Variants in PLIN5 observed in about 807,000 individuals in gnomAD.
PLIN5 encodes perilipin-5.
PLIN5 carries 34 observed loss-of-function variants against 32.8 expected under a neutral mutation model. The observed-to-expected ratio is 1.04, with a 90% CI of 0.79 to 1.38. PLIN5 has a LOEUF of 1.38. Ranked by LOEUF, PLIN5 falls within the 40% of genes most tolerant of loss-of-function variation. The probability of loss-of-function intolerance (pLI) is 0.00; values close to 1 mark genes in which losing one functional copy is unlikely to be tolerated. For missense variants in PLIN5, 712 were observed against 660.5 expected, an observed-to-expected ratio of 1.08 and a Z score of -0.85; for synonymous variants, 309 against 292.9, an observed-to-expected ratio of 1.05 and a Z score of -0.56.
intron 3 of PLIN5, among the ~76,000 whole-genome samples, chr19:4,530,605 C>T (rs76429445): frequency 0.067 from 10,163 of 152,164 alleles, 382 homozygotes; most frequent in Middle Eastern, 0.088. Context: ...CACAGGGAGA[C>T]AGATGGATAG....
intron 2 of PLIN5, chr19:4,533,802 G>T: frequency 1.7e-6 from 1 of 602,808 alleles, no homozygotes; most frequent in Non-Finnish European, 2.9e-6. Flanking sequence ...ACAGAAGCCA[G>T]CTGGGTGTCT....
At chr19:4,529,408 TCA>T (rs768831813) in intron 4 of PLIN5, 155 bp from the exon 5 acceptor site, 7 of 778,248 alleles carry the variant, frequency 9.0e-6, no homozygotes, top group African/African-American at 8.8e-5. Context: ...AACCCTTCCC[TCA>T]CAGAGGGTGT....
At chr19:4,529,966 G>A (rs1976863741) in intron 3 of PLIN5, 100 bp from the exon 4 acceptor site, 1 of 681,634 alleles carries the variant, frequency 1.5e-6, no homozygotes, top group Admixed American at 2.8e-5. Flanking sequence ...GAGAGAAGCA[G>A]AGACAGAGAA....
intron 1 of PLIN5, among the ~76,000 whole-genome samples, 190 bp downstream of exon 1, chr19:4,534,975 G>T (rs2145332655): frequency 6.6e-6 from 1 of 152,334 alleles, no homozygotes; most frequent in South Asian, 2.1e-4. Flanking sequence ...TTGCCACCCC[G>T]CGTCCTCTGA....
chr19:4,534,754 C>T (rs1976926754), intron 1 of PLIN5, among the ~76,000 whole-genome samples: 1 of 152,190 alleles, frequency 6.6e-6, no homozygotes, highest in Non-Finnish European at 1.5e-5. Flanking sequence ...GCTACCCCTG[C>T]GGCCCCTGCC....
intron 3 of PLIN5, among the ~76,000 whole-genome samples, 160 bp from the exon 4 acceptor site, chr19:4,530,026 C>T (rs534002384): frequency 3.7e-4 from 56 of 151,990 alleles, no homozygotes; most frequent in African/African-American, 1.3e-3. Context: ...ATGATGGAGA[C>T]GAGACCCACA....
In PLIN5 at chr19:4,525,724, T is replaced by C. The variant is rs1976791984; in HGVS notation, c.629A>G (p.His210Arg). 6.2e-7 allele frequency: 1 copy of C among 1,613,564 alleles called. No homozygotes were observed. The highest frequency in any genetic ancestry group is 8.5e-7 in the Non-Finnish European group (1 of 1,180,024). ...CCCCACAGAGTGCTCGTAGGCCAGG[T>C]GGCGGATCCGTGCTGACAGGGAGCC... ...RLGSLSARIR[H>R]LAYEHSVGKL... is the part of the protein sequence containing the mutation. Residue 210 changes from histidine (H) to arginine (R), a missense_variant, in exon 6 of 8, where the codon CAC becomes CGC. Coordinates refer to ENST00000381848, the MANE Select transcript of PLIN5 (RefSeq NM_001013706.3). This position sits in a 1 kb window ranked among gnomAD's most constrained non-coding sequence, Gnocchi z 5.6.
chr19:4,523,800 G>A lies in PLIN5; in HGVS notation c.1120C>T (p.Leu374=), dbSNP rs1274850331. The part of the protein sequence containing the change: ...LVVQAVPLPW[L]VGPFAPILVE... Reference sequence around the variant, plus strand: ...AGGATGGGCGCGAAGGGTCCCACCAGCCAGGGCAGCGGCACGGCCTGCACC... The same window carrying A: ...AGGATGGGCGCGAAGGGTCCCACCAACCAGGGCAGCGGCACGGCCTGCACC... The change falls in exon 8 of 8, where the codon CTG becomes TTG. Residue 374 remains leucine (L), a synonymous_variant. Transcript: ENST00000381848. This position sits in a 1 kb window ranked among gnomAD's most constrained non-coding sequence, Gnocchi z 5.0. 5.0e-6 allele frequency: 8 copies of A among 1,596,262 alleles called. No homozygotes were observed. The highest frequency in any genetic ancestry group is 6.8e-6 in the Non-Finnish European group (8 of 1,178,404).
intron 4 of PLIN5, 72 bp from the exon 5 acceptor site, chr19:4,529,325 GGGCT>G: frequency 6.8e-7 from 1 of 1,476,056 alleles, no homozygotes; most frequent in Middle Eastern, 1.8e-4. Flanking sequence ...TAGTTCCCTG[GGGCT>G]GGGACTCAAA....
In PLIN5 at chr19:4,534,089, G is replaced by A. The variant is rs1395450530; in HGVS notation, c.-15C>T. ...TCTTCAGACATCGTGCTGCAAACAG[G>A]GTCACCCTGCGGGGCAGGATTGAGT... On this transcript the variant is annotated 5_prime_UTR_variant, in exon 2 of 8. Transcript: ENST00000381848. The A allele has an allele frequency of 5.0e-6, 8 of 1,609,982 alleles. No individual in the cohort carries two copies. Among genetic ancestry groups the A allele is most frequent in the Non-Finnish European group, 5.9e-6 (7 of 1,178,390 alleles).
In PLIN5 at chr19:4,524,010, T is replaced by C. The variant is rs911014993; in HGVS notation, c.910A>G (p.Ser304Gly). Residue 304 changes from serine to glycine, a missense_variant, in exon 8 of 8, where the codon AGC becomes GGC. Coordinates refer to ENST00000381848, the MANE Select transcript of PLIN5 (RefSeq NM_001013706.3). ...GCGCCGGCGGGCAGGCCCCGCACGC[T>C]GGACTCCAGAGCCTCTACCGTGCCC... is the stretch of plus-strand genomic sequence containing the variant. Reference protein sequence around the residue: ...LQGTVEALESSVRGLPAGAQE... With the variant: ...LQGTVEALESGVRGLPAGAQE... The C allele has an allele frequency of 7.9e-6, 12 of 1,516,840 alleles. No homozygotes were observed. Among genetic ancestry groups the C allele is most frequent in the Admixed American group, 2.1e-5 (1 of 48,668 alleles). 94.0% of individuals were successfully genotyped at this position (1,516,840 alleles called of 1,614,324 possible).
intron 5 of PLIN5, among the ~76,000 whole-genome samples, chr19:4,526,252 C>T (rs1164862010): frequency 2.0e-5 from 3 of 152,002 alleles, no homozygotes; most frequent in Non-Finnish European, 4.4e-5. Context: ...GATGGAGTCT[C>T]GCTCTGTCCC....
chr19:4,530,145 G>A (rs971007283), intron 3 of PLIN5, among the ~76,000 whole-genome samples: 14 of 152,128 alleles, frequency 9.2e-5, no homozygotes, highest in Admixed American at 6.6e-5. Context: ...GAGGGAGATG[G>A]GGAGAAGGCC....
intron 7 of PLIN5, 106 bp downstream of exon 7, chr19:4,524,857 A>C: frequency 1.1e-6 from 1 of 920,588 alleles, no homozygotes; most frequent in Non-Finnish European, 1.5e-6. Flanking sequence ...AGATAGCTTG[A>C]GTTGGGTCCC....
chr19:4,527,561 A>C (rs896827712), intron 5 of PLIN5, among the ~76,000 whole-genome samples: 1 of 145,064 alleles, frequency 6.9e-6, no homozygotes, highest in Non-Finnish European at 1.5e-5. Flanking sequence ...AAAAAAAAAA[A>C]AAAAACAACA....
chr19:4,531,111 C>T (rs1054069125), intron 3 of PLIN5, among the ~76,000 whole-genome samples: 5 of 151,980 alleles, frequency 3.3e-5, no homozygotes, highest in Non-Finnish European at 7.4e-5. Context: ...AGCAATTCTC[C>T]TGCATGAGCC....
rs369920392 is a variant in PLIN5 at position 4,523,482 on chromosome 19, G to C, written c.*46C>G. 1 of 1,510,786 alleles carries C rather than the reference G, an allele frequency of 6.6e-7. No homozygotes were observed. The highest frequency in any genetic ancestry group is 8.9e-7 in the Non-Finnish European group (1 of 1,126,922). 93.6% of individuals were successfully genotyped at this position (1,510,786 alleles called of 1,614,324 possible). On this transcript the variant is annotated 3_prime_UTR_variant, in exon 8 of 8. Coordinates refer to ENST00000381848, the MANE Select transcript of PLIN5 (RefSeq NM_001013706.3). This position sits in a 1 kb window ranked among gnomAD's most constrained non-coding sequence, Gnocchi z 5.0. ...TGGCCACCAGGGGGCAGCAGGGATC[G>C]GGGTGTGCAGGTGGCCTTTCCTCCC...
In PLIN5 at chr19:4,524,109, T is replaced by C. The variant is rs1976769249; in HGVS notation, c.835-24A>G. 4.3e-6 allele frequency: 6 copies of C among 1,395,434 alleles called. No homozygotes were observed. In the South Asian group the frequency reaches 9.6e-5, roughly 22 times the overall value. The allele number at this position is 1,395,434 out of a possible 1,614,324, so 86.4% of individuals were successfully genotyped here. A position where few individuals can be genotyped will look rare whatever the true frequency, so the allele number is the denominator to read the frequency against. ...GCCTGCAGGGGGCGGGGACCTCAGT[T>C]TCCCCTATGGACGCCCAGGAGGACT... On this transcript the variant is annotated intron_variant, in intron 7 of 7. Transcript: ENST00000381848.
rs769274037 is a variant in PLIN5 at position 4,534,100 on chromosome 19, G to C, written c.-21-5C>G. ...CGTGCTGCAAACAGGGTCACCCTGCGGGGCAGGATTGAGTAAGGGGAGCAC... is the reference window on the plus strand; with the variant it reads ...CGTGCTGCAAACAGGGTCACCCTGCCGGGCAGGATTGAGTAAGGGGAGCAC... On this transcript the variant is annotated splice_polypyrimidine_tract_variant and splice_region_variant and intron_variant, in intron 1 of 7. Transcript: ENST00000381848. 1.6e-5 allele frequency: 26 copies of C among 1,604,956 alleles called. No homozygotes were observed. The highest frequency in any genetic ancestry group is 2.6e-6 in the Non-Finnish European group (3 of 1,176,082).
Sources: gnomAD v4.1 joint callset for allele counts (sites outside exome capture counted in the v4.1 genomes callset) on GRCh38, gnomAD v4.1.1 for gene constraint, Gnocchi (gnomAD v3.1) non-coding constraint, MANE v1.5 for transcripts, NCBI Gene and HGNC (gene_info 2026-07-23, HGNC 2026-07-21) for gene names.